WWOX: variants seen among roughly 807,000 people sequenced by gnomAD.
WWOX encodes the protein WW domain-containing oxidoreductase.
A neutral mutation model predicts 46.2 loss-of-function variants in WWOX; 69 were observed. The ratio of observed to expected loss-of-function variants is 1.49; its 90% CI spans 1.23 to 1.82. The LOEUF is 1.82. Among genes scored for constraint, WWOX ranks in the 40% most tolerant of loss-of-function variants. The pLI, the probability that WWOX is intolerant of heterozygous loss-of-function variation, is 0.00. For synonymous variants in WWOX, 359 were observed against 202.6 expected (o/e 1.77, Z -6.56); for missense variants, 919 against 542.6 (o/e 1.69, Z -6.89).
At position 78,413,108 on chromosome 16, in the gene WWOX, G is replaced by T. The variant is rs147217854; in HGVS notation, c.606-11762G>T. On this transcript the variant is annotated intron_variant, in intron 6 of 8. Transcript: ENST00000566780. ...CTGGACAGAGCTGATTTATCAAGAC[G>T]GGGGTACTGCAAATAGAGAAAGAAT... is the stretch of plus-strand genomic sequence containing the variant. Among the ~76,000 whole-genome samples the T allele has an allele frequency of 7.8e-3, 1,189 of 152,264 alleles. 11 individuals carry two copies. Among genetic ancestry groups the T allele is most frequent in the South Asian group, 0.015 (72 of 4,814 alleles).
chr16:79,072,550 G>C (rs1056604302), intron 8 of WWOX, among the ~76,000 whole-genome samples: 3 of 152,176 alleles, frequency 2.0e-5, no homozygotes, highest in South Asian at 2.1e-4. Context: ...TATTCATTTT[G>C]ACATGCTTTT....
intron 8 of WWOX, among the ~76,000 whole-genome samples, chr16:78,975,274 G>A (rs1042913180): frequency 2.6e-4 from 40 of 152,184 alleles, no homozygotes; most frequent in African/African-American, 9.4e-4. Flanking sequence ...AATGTCTAGA[G>A]ACATTTTTGA....
Position 78,691,559 on chromosome 16 carries a change from T to A in WWOX, c.1056+258807T>A, listed in dbSNP as rs904558701. 3.3e-5 allele frequency among the ~76,000 whole-genome samples: 5 copies of A among 151,886 alleles called. No individual in the cohort carries two copies. The South Asian group carries it at 6.3e-4, about 19-fold the overall frequency. The stretch of plus-strand genomic sequence containing the variant: ...CTGTCTCTACAAAAAATAAAAAAAA[T>A]TATCTGGGTATAGTGGTGTGCACCT... On this transcript the variant is annotated intron_variant, in intron 8 of 8. Coordinates refer to ENST00000566780, the MANE Select transcript of WWOX (RefSeq NM_016373.4).
chr16:79,160,925 CAT>C (rs2050474929), intron 8 of WWOX, among the ~76,000 whole-genome samples: 1 of 152,122 alleles, frequency 6.6e-6, no homozygotes, highest in African/African-American at 2.4e-5. Flanking sequence ...TTCTGATACA[CAT>C]ATGTACATAT....
chr16:78,509,683 A>G (rs1338639014), intron 8 of WWOX, among the ~76,000 whole-genome samples: 1 of 152,188 alleles, frequency 6.6e-6, no homozygotes, highest in African/African-American at 2.4e-5. Flanking sequence ...GGCAAAAACT[A>G]CTGATCAAGC....
intron 8 of WWOX, among the ~76,000 whole-genome samples, chr16:78,974,974 AG>A (rs2046542842): frequency 6.6e-6 from 1 of 152,142 alleles, no homozygotes; most frequent in African/African-American, 2.4e-5. Flanking sequence ...GGACATTTCT[AG>A]GCTTGTGGAA....
At chr16:78,902,976 T>C (rs1214335890) in intron 8 of WWOX, among the ~76,000 whole-genome samples, 1 of 152,204 alleles carries the variant, frequency 6.6e-6, no homozygotes, top group Non-Finnish European at 1.5e-5. Flanking sequence ...AGTCCTTTTG[T>C]TACCAGCGGA....
chr16:78,116,425 C>T (rs1249458069), intron 4 of WWOX, among the ~76,000 whole-genome samples: 2 of 152,054 alleles, frequency 1.3e-5, no homozygotes, highest in Non-Finnish European at 2.9e-5. Flanking sequence ...GGTTGCCATC[C>T]GAGTGGAGAA....
chr16:78,188,538 A>G (rs558517141), intron 5 of WWOX, among the ~76,000 whole-genome samples: 1 of 152,236 alleles, frequency 6.6e-6, no homozygotes, highest in African/African-American at 2.4e-5. Context: ...GGGAAAAAAT[A>G]AAGTTTTAAG....
At chr16:78,664,864 G>A (rs1006198472) in intron 8 of WWOX, among the ~76,000 whole-genome samples, 4 of 152,218 alleles carry the variant, frequency 2.6e-5, no homozygotes, top group Non-Finnish European at 4.4e-5. Context: ...GTGCATGTGC[G>A]TAAAACGGAA....
chr16:79,200,039 A>G (rs546787865), intron 8 of WWOX, among the ~76,000 whole-genome samples: 4 of 152,282 alleles, frequency 2.6e-5, no homozygotes, highest in African/African-American at 9.6e-5. Flanking sequence ...CAGATGATCC[A>G]CAAATGCCAA....
intron 8 of WWOX, among the ~76,000 whole-genome samples, chr16:78,755,970 C>G (rs2049636256): frequency 6.6e-6 from 1 of 152,082 alleles, no homozygotes. Context: ...AATCAGAGGC[C>G]TGTAAGAAAT....
chr16:78,847,376 A>G (rs1034589421), intron 8 of WWOX, among the ~76,000 whole-genome samples: 43 of 152,124 alleles, frequency 2.8e-4, no homozygotes, highest in African/African-American at 1.0e-3. Context: ...ACATTCCATT[A>G]TTTGTTCATA....
intron 6 of WWOX, among the ~76,000 whole-genome samples, chr16:78,403,227 A>C (rs1282106035): frequency 6.6e-6 from 1 of 152,208 alleles, no homozygotes; most frequent in East Asian, 1.9e-4. Context: ...GTAAGTTGTA[A>C]GTTGTAAATT....
chr16:78,673,240 T>C (rs932206942), intron 8 of WWOX, among the ~76,000 whole-genome samples: 1 of 152,184 alleles, frequency 6.6e-6, no homozygotes. Context: ...ATGTAATTTC[T>C]TCTTGGAAGT....
chr16:79,153,093 A>C (rs1008933005), intron 8 of WWOX, among the ~76,000 whole-genome samples: 2 of 152,140 alleles, frequency 1.3e-5, no homozygotes, highest in African/African-American at 2.4e-5. Context: ...GGAAAATCCA[A>C]ACTCACTTGA....
chr16:79,178,661 G>C (rs193025709), intron 8 of WWOX, among the ~76,000 whole-genome samples: 1 of 151,998 alleles, frequency 6.6e-6, no homozygotes, highest in Non-Finnish European at 1.5e-5. Context: ...TCCAATCTTC[G>C]AAGAATCCGT....
chr16:79,108,729 C>G (rs1438734266), intron 8 of WWOX, among the ~76,000 whole-genome samples: 1 of 151,982 alleles, frequency 6.6e-6, no homozygotes, highest in African/African-American at 2.4e-5. Context: ...CAGTGAGACC[C>G]CACCTCTACA....
intron 8 of WWOX, among the ~76,000 whole-genome samples, chr16:78,754,946 C>T (rs1380631710): frequency 6.8e-6 from 1 of 147,122 alleles, no homozygotes; most frequent in Non-Finnish European, 1.5e-5. Flanking sequence ...ATGCTGTCCA[C>T]AAAGAGCCAG....
Sources: gnomAD v4.1 joint callset for allele counts (sites outside exome capture counted in the v4.1 genomes callset) on GRCh38, gnomAD v4.1.1 for gene constraint, MANE v1.5 for transcripts, NCBI Gene and HGNC (gene_info 2026-07-23, HGNC 2026-07-21) for gene names.